The following NDC1 variants were observed in gnomAD, a reference collection of about 807,000 sequenced individuals.
NDC1 encodes the protein NDC1 transmembrane nucleoporin.
In NDC1, 24 loss-of-function variants were observed where a neutral mutation model predicts 89.8. That is an observed-to-expected ratio of 0.27 (90% confidence interval 0.19 to 0.38). The LOEUF is 0.38. NDC1 is among the 10% of genes least tolerant of loss of function. NDC1 has a pLI of 1.00. For missense variants in NDC1, 728 were observed against 797.6 expected (o/e 0.91, Z 1.05); for synonymous variants, 296 against 284.8 (o/e 1.04, Z -0.39).
intron 14 of NDC1, among the ~76,000 whole-genome samples, chr1:53,791,280 G>A (rs1046259831): frequency 8.6e-5 from 13 of 152,028 alleles, no homozygotes; most frequent in Non-Finnish European, 1.6e-4. Flanking sequence ...TTAGCCAGGC[G>A]TGGTGGCAGG....
At chr1:53,830,901 T>A (rs938044077) in intron 3 of NDC1, among the ~76,000 whole-genome samples, 1 of 149,324 alleles carries the variant, frequency 6.7e-6, no homozygotes, top group Non-Finnish European at 1.5e-5. Context: ...TATTCTATGA[T>A]CCTACCGCAT....
Position 53,796,909 on chromosome 1 carries a change from T to A in NDC1, c.1458A>T (p.Thr486=). Residue 486 remains threonine, a synonymous_variant, in exon 12 of 18, where the codon ACA becomes ACT. Transcript: ENST00000371429. ...ATATATAATTCTCACCAGAAGCTGA[T>A]GTCCACAATCTTGGCCCCCTTCTTA... ...QLIRRGPRLW[T]SASDQQMTEF... 3 of 1,613,874 alleles carry A rather than the reference T, an allele frequency of 1.9e-6. No homozygotes were observed. Among genetic ancestry groups the A allele is most frequent in the Non-Finnish European group, 2.5e-6 (3 of 1,179,966 alleles).
At chr1:53,813,057 T>G (rs765400490) in intron 6 of NDC1, among the ~76,000 whole-genome samples, 1 of 152,192 alleles carries the variant, frequency 6.6e-6, no homozygotes, top group Non-Finnish European at 1.5e-5. Context: ...AAATAAATGC[T>G]GAGAGAATTC....
chr1:53,791,891 G>A (rs768222121), intron 14 of NDC1, among the ~76,000 whole-genome samples: 5 of 151,602 alleles, frequency 3.3e-5, no homozygotes, highest in Admixed American at 1.3e-4. Flanking sequence ...GAACTGAAGC[G>A]AAAACAGAGT....
In NDC1 at chr1:53,796,743, C is replaced by A; in HGVS notation, c.1530G>T (p.Lys510Asn). The change falls in exon 13 of 18, where the codon AAG becomes AAT. Residue 510 changes from lysine (K) to asparagine (N), a missense_variant. Transcript: ENST00000371429. The part of the protein sequence containing the change: ...SPSTSISAEG[K>N]TMRQPSVIYS... ...AAATCACACTGGGTTGTCTCATTGTCTTACCCTCAGCACTAATAGAGGTAG... is the reference window on the plus strand; with the variant it reads ...AAATCACACTGGGTTGTCTCATTGTATTACCCTCAGCACTAATAGAGGTAG... 6.2e-7 allele frequency: 1 copy of A among 1,612,368 alleles called. No homozygotes were observed. The highest frequency in any genetic ancestry group is 8.5e-7 in the Non-Finnish European group (1 of 1,179,548).
chr1:53,818,930 T>G (rs375401171), intron 6 of NDC1, 41 bp downstream of exon 6: 9 of 885,052 alleles, frequency 1.0e-5, no homozygotes, highest in Non-Finnish European at 1.6e-5. Flanking sequence ...TTCTGGGCTA[T>G]GAGATAATAT....
At chr1:53,774,903 T>TAAATA (rs1411155342) in intron 16 of NDC1, among the ~76,000 whole-genome samples, 4 of 151,900 alleles carry the variant, frequency 2.6e-5, no homozygotes, top group Non-Finnish European at 5.9e-5. Context: ...AAAAACTAAA[T>TAAATA]AAATAAAATA....
chr1:53,780,212 A>G (rs1647194023), intron 16 of NDC1, among the ~76,000 whole-genome samples: 1 of 152,128 alleles, frequency 6.6e-6, no homozygotes, highest in Non-Finnish European at 1.5e-5. Flanking sequence ...AGCTGGGATT[A>G]CAAGCGTCCG....
intron 11 of NDC1, among the ~76,000 whole-genome samples, chr1:53,798,789 A>G (rs950917210): frequency 9.2e-5 from 14 of 152,010 alleles, no homozygotes; most frequent in African/African-American, 2.9e-4. Context: ...TCCTGACCTC[A>G]AATGATCCAC....
intron 16 of NDC1, among the ~76,000 whole-genome samples, chr1:53,778,165 G>C (rs1380493233): frequency 6.6e-6 from 1 of 151,822 alleles, no homozygotes; most frequent in Non-Finnish European, 1.5e-5. Context: ...TGAATATTCA[G>C]TTAACCGGAG....
chr1:53,820,544 A>G (rs902226849), intron 5 of NDC1, among the ~76,000 whole-genome samples: 3 of 151,772 alleles, frequency 2.0e-5, no homozygotes, highest in African/African-American at 7.3e-5. Context: ...TAAAAAAAAA[A>G]TGTCTTTTCT....
At chr1:53,806,628 G>A (rs968524010) in intron 8 of NDC1, 111 bp from the exon 9 acceptor site, 52 of 560,644 alleles carry the variant, frequency 9.3e-5, no homozygotes, top group East Asian at 2.8e-4. Flanking sequence ...GACATCTTTC[G>A]TGCTCCTTGC....
chr1:53,772,392 G>C lies in NDC1; in HGVS notation c.1898C>G (p.Ala633Gly). 6.2e-7 allele frequency: 1 copy of C among 1,613,868 alleles called. No individual in the cohort carries two copies. The highest frequency in any genetic ancestry group is 8.5e-7 in the Non-Finnish European group (1 of 1,179,812). Residue 633 changes from alanine (A) to glycine (G), a missense_variant, in exon 17 of 18, where the codon GCA becomes GGA. Physicochemically the swap from Ala to Gly is moderately conservative, Grantham distance 60 (BLOSUM62 0). Transcript: ENST00000371429. ...VDTSYKTLRF[A>G]FRASLKTAIY... ...GGCAGTTTTCAGTGATGCTCTGAAT[G>C]CAAATCTTAATGTTTTATATGAAGT...
chr1:53,812,489 A>T (rs752726925), intron 6 of NDC1, among the ~76,000 whole-genome samples: 1 of 152,252 alleles, frequency 6.6e-6, no homozygotes, highest in Non-Finnish European at 1.5e-5. Flanking sequence ...TCAGCAATAG[A>T]ATTTAACAAG....
At chr1:53,803,875 G>T in intron 10 of NDC1, 53 bp downstream of exon 10, 1 of 1,389,968 alleles carries the variant, frequency 7.2e-7, no homozygotes, top group Non-Finnish European at 1.0e-6. Flanking sequence ...CTGGCCAAGT[G>T]AATTACTTTC....
At chr1:53,810,996 A>G (rs1238212563) in intron 6 of NDC1, among the ~76,000 whole-genome samples, 1 of 152,230 alleles carries the variant, frequency 6.6e-6, no homozygotes, top group Non-Finnish European at 1.5e-5. Flanking sequence ...TCTTCTGAAC[A>G]CACACCCCCA....
chr1:53,816,843 TAGTC>T (rs1648498490), intron 6 of NDC1, among the ~76,000 whole-genome samples: 1 of 152,036 alleles, frequency 6.6e-6, no homozygotes, highest in Non-Finnish European at 1.5e-5. Flanking sequence ...GATATACAAA[TAGTC>T]AATGACATAG....
chr1:53,803,590 G>C (rs1196022579), intron 10 of NDC1, among the ~76,000 whole-genome samples: 1 of 147,540 alleles, frequency 6.8e-6, no homozygotes, highest in South Asian at 2.1e-4. Context: ...TTTTCTTTTT[G>C]AGACGGAGTC....
intron 17 of NDC1, among the ~76,000 whole-genome samples, chr1:53,770,224 G>A (rs939763094): frequency 6.6e-6 from 1 of 151,348 alleles, no homozygotes; most frequent in African/African-American, 2.4e-5. Context: ...GCAGGGTCTC[G>A]CTAAAATATG....
Sources: gnomAD v4.1 joint callset for allele counts (sites outside exome capture counted in the v4.1 genomes callset) on GRCh38, gnomAD v4.1.1 for gene constraint, MANE v1.5 for transcripts, NCBI Gene and HGNC (gene_info 2026-07-23, HGNC 2026-07-21) for gene names.